The following CFAP46 variants were observed in gnomAD, a reference collection of about 807,000 sequenced individuals.
CFAP46 encodes cilia and flagella associated protein 46.
Under a neutral mutation model 325.7 loss-of-function variants are expected in CFAP46, and 245 were observed. That is an observed-to-expected ratio of 0.75 (90% CI 0.68 to 0.84). CFAP46 has a LOEUF of 0.84. CFAP46 is among the 40% of genes least tolerant of loss of function. CFAP46 has a pLI of 0.00. For missense variants in CFAP46, 3,346 were observed against 3,543.0 expected, an observed-to-expected ratio of 0.94 and a Z score of 1.41; for synonymous variants, 1,523 against 1,495.9, an observed-to-expected ratio of 1.02 and a Z score of -0.42.
chr10:132,885,273 G>C lies in CFAP46; in HGVS notation c.3457C>G (p.His1153Asp). Residue 1153 changes from histidine (H) to aspartate (D), a missense_variant, in exon 27 of 58, where the codon CAC (histidine) becomes GAC (aspartate). Transcript: ENST00000368586. ...AGCTTGGCCTTCACGATGACCATGT[G>C]CTTGAAGATCAAGCTAAAGAAAGGG... ...RTAHRLLIFK[H>D]MVIVKAKLGQ... The C allele has an allele frequency of 6.5e-7, 1 of 1,547,036 alleles. No homozygotes were observed. Among genetic ancestry groups the C allele is most frequent in the Non-Finnish European group, 8.7e-7 (1 of 1,144,736 alleles).
At chr10:132,892,210 A>G (rs1044885756) in intron 25 of CFAP46, 123 bp downstream of exon 25, 7 of 789,036 alleles carry the variant, frequency 8.9e-6, no homozygotes, top group African/African-American at 8.7e-5. Flanking sequence ...CATTATCTGG[A>G]GTTACTGCCA....
chr10:132,822,718 CTGA>C (rs1450878821), intron 50 of CFAP46, among the ~76,000 whole-genome samples: 6 of 113,296 alleles, frequency 5.3e-5, no homozygotes, highest in South Asian at 3.3e-4. Context: ...CTGATGTGTG[CTGA>C]TGTGTGCTGT....
At chr10:132,911,049 A>G (rs114012943) in intron 19 of CFAP46, among the ~76,000 whole-genome samples, 1 of 152,244 alleles carries the variant, frequency 6.6e-6, no homozygotes, top group Admixed American at 6.5e-5. Context: ...CTAAGAGGGA[A>G]GCTCCTCTGC....
chr10:132,831,701 T>C (rs1465716735), intron 50 of CFAP46, among the ~76,000 whole-genome samples: 1 of 152,220 alleles, frequency 6.6e-6, no homozygotes, highest in Non-Finnish European at 1.5e-5. Context: ...ATTTTTCTTT[T>C]AGTTGGGGGT....
At chr10:132,860,073 G>A (rs1040867595) in intron 37 of CFAP46, among the ~76,000 whole-genome samples, 2 of 152,144 alleles carry the variant, frequency 1.3e-5, no homozygotes, top group African/African-American at 2.4e-5. Context: ...CTGCCGCAAG[G>A]GTTTTGTGAA....
chr10:132,881,741 T>C (rs960920019), intron 27 of CFAP46, among the ~76,000 whole-genome samples: 3 of 152,152 alleles, frequency 2.0e-5, no homozygotes, highest in African/African-American at 7.2e-5. Flanking sequence ...GCCACACTCT[T>C]CTCCAGCAGG....
intron 15 of CFAP46, among the ~76,000 whole-genome samples, chr10:132,918,772 G>C (rs1283233391): frequency 6.6e-6 from 1 of 152,152 alleles, no homozygotes; most frequent in Non-Finnish European, 1.5e-5. Flanking sequence ...CCCTGCAGAT[G>C]CTCTTGGCAC....
At chr10:132,935,595 T>G (rs1358001748) in intron 7 of CFAP46, among the ~76,000 whole-genome samples, 9 of 128,866 alleles carry the variant, frequency 7.0e-5, no homozygotes, top group Non-Finnish European at 1.4e-4. Flanking sequence ...CCAAACCCAC[T>G]GTGATCTCCT....
rs1240836819 is a variant in CFAP46 at position 132,860,703 on chromosome 10, G to T, written c.5091+79C>A. 6 of 1,451,614 alleles carry T rather than the reference G, an allele frequency of 4.1e-6. No individual in the cohort carries two copies. The African/African-American group carries it at 7.0e-5, about 17-fold the overall frequency. The allele number at this position is 1,451,614 out of a possible 1,614,324, so 89.9% of individuals were successfully genotyped here. On this transcript the variant is annotated intron_variant, in intron 36 of 57. Transcript: ENST00000368586. ...TGTCATCAGCGGTCTGCCAGGCAGAGCCCCATGGACGCCCTTCCTCTCCAC... is the reference window on the plus strand; with the variant it reads ...TGTCATCAGCGGTCTGCCAGGCAGATCCCCATGGACGCCCTTCCTCTCCAC...
rs1180333205 is a variant in CFAP46, at chr10:132,889,745, C to T, written c.3304+2588G>A. On this transcript the variant is annotated intron_variant, in intron 25 of 57. Coordinates refer to ENST00000368586, the MANE Select transcript of CFAP46 (RefSeq NM_001200049.3). This position sits in a 1 kb window ranked among gnomAD's most constrained non-coding sequence, Gnocchi z 6.0. ...TCTCCTCCTCCCCGGAGGCCGTCAG[C>T]TCCATGGTGCCTCCGGGTGGGTGAG... 6.6e-6 allele frequency among the ~76,000 whole-genome samples: 1 copy of T among 152,196 alleles called. No homozygotes were observed. Among genetic ancestry groups the T allele is most frequent in the Non-Finnish European group, 1.5e-5 (1 of 68,036 alleles).
At chr10:132,843,147 T>C in intron 44 of CFAP46, among the ~76,000 whole-genome samples, 1 of 152,214 alleles carries the variant, frequency 6.6e-6, no homozygotes, top group East Asian at 1.9e-4. Context: ...AACCCCCACA[T>C]TGAGCCCTTC....
intron 10 of CFAP46, among the ~76,000 whole-genome samples, chr10:132,926,349 C>A (rs1165168327): frequency 6.6e-6 from 1 of 152,146 alleles, no homozygotes; most frequent in Non-Finnish European, 1.5e-5. Flanking sequence ...TGCACGACCC[C>A]ACCCCACCAG....
chr10:132,910,272 C>T (rs1849522041), intron 19 of CFAP46, among the ~76,000 whole-genome samples: 1 of 152,256 alleles, frequency 6.6e-6, no homozygotes, highest in Non-Finnish European at 1.5e-5. Context: ...GACGCAGCTG[C>T]CACCTGGCCT....
In CFAP46 at chr10:132,876,502, C is replaced by T. The variant is rs1051747674; in HGVS notation, c.4362+310G>A. Among the ~76,000 whole-genome samples, 3 of 152,222 alleles carry T rather than the reference C, an allele frequency of 2.0e-5. No individual in the cohort carries two copies. The highest frequency in any genetic ancestry group is 2.0e-4 in the Admixed American group (3 of 15,286). On this transcript the variant is annotated intron_variant, in intron 31 of 57. Transcript: ENST00000368586. The surrounding 1 kb of genome is among the most constrained non-coding windows in gnomAD (Gnocchi z 4.1). ...ACACTGATTTTCGGCTTCCGGCCTC[C>T]AGAACCATGAGGGGATCAATTTCTG...
chr10:132,929,991 A>G (rs901847982), intron 8 of CFAP46, among the ~76,000 whole-genome samples, 187 bp from the exon 9 acceptor site: 4 of 152,108 alleles, frequency 2.6e-5, no homozygotes, highest in African/African-American at 9.7e-5. Context: ...AAGCTACAGC[A>G]CCGGAGCCCA....
intron 35 of CFAP46, among the ~76,000 whole-genome samples, chr10:132,863,637 G>A (rs1243124744): frequency 6.7e-6 from 1 of 149,964 alleles, no homozygotes; most frequent in African/African-American, 2.5e-5. Context: ...GCATACACTT[G>A]TCCCTCTTCC....
In CFAP46 at chr10:132,836,130, A is replaced by C. The variant is rs779015065; in HGVS notation, c.6613+12T>G. ...CCTGCTCCCCCTCCCCCTCCCCTGCAGCCCTGCTCACCTCCCACCGCCTGC... is the reference window on the plus strand; with the variant it reads ...CCTGCTCCCCCTCCCCCTCCCCTGCCGCCCTGCTCACCTCCCACCGCCTGC... On this transcript the variant is annotated intron_variant, in intron 46 of 57. Transcript: ENST00000368586. 1 of 1,571,426 alleles carries C rather than the reference A, an allele frequency of 6.4e-7. No homozygotes were observed. Among genetic ancestry groups the C allele is most frequent in the Admixed American group, 1.8e-5 (1 of 56,938 alleles).
intron 27 of CFAP46, among the ~76,000 whole-genome samples, chr10:132,881,800 G>A (rs371301038): frequency 3.3e-5 from 5 of 150,674 alleles, no homozygotes; most frequent in African/African-American, 1.3e-4. Context: ...AGATGTCGCC[G>A]CCACTTCATT....
Position 132,920,049 on chromosome 10 carries a change from C to A in CFAP46, c.1730+10G>T. ...GCTGTGCGTGGCGCTCTGGCCTTTT[C>A]CTCACTCACCTCTCCTTGTCGTTTT... On this transcript the variant is annotated intron_variant, in intron 14 of 57. Transcript: ENST00000368586. The A allele has an allele frequency of 6.5e-7, 1 of 1,533,784 alleles. No homozygotes were observed. The highest frequency in any genetic ancestry group is 8.8e-7 in the Non-Finnish European group (1 of 1,139,326).
Sources: gnomAD v4.1 joint callset for allele counts (sites outside exome capture counted in the v4.1 genomes callset) on GRCh38, gnomAD v4.1.1 for gene constraint, Gnocchi (gnomAD v3.1) non-coding constraint, MANE v1.5 for transcripts, NCBI Gene and HGNC (gene_info 2026-07-23, HGNC 2026-07-21) for gene names.